MSL2: variants seen among roughly 807,000 people sequenced by gnomAD.
MSL2 encodes E3 ubiquitin-protein ligase MSL2.
MSL2 carries 2 observed loss-of-function variants against 35.8 expected under a neutral mutation model. The ratio of observed to expected loss-of-function variants is 0.06; its 90% CI spans 0.02 to 0.18. The LOEUF is 0.18. MSL2 is among the 10% of genes least tolerant of loss of function. MSL2 has a pLI of 1.00. For synonymous variants in MSL2, 296 were observed against 255.7 expected (o/e 1.16, Z -1.50); for missense variants, 523 against 706.7 (o/e 0.74, Z 2.95).
chr3:136,155,718 TTG>T (rs1447087009), intron 1 of MSL2: 2 of 501,586 alleles, frequency 4.0e-6, no homozygotes, highest in Admixed American at 4.3e-5. Context: ...TGGGGTCCTT[TTG>T]TGCCTGCTTC....
intron 1 of MSL2, among the ~76,000 whole-genome samples, chr3:136,160,275 CAAAAAAA>C (rs775528119): frequency 6.9e-4 from 13 of 18,756 alleles, no homozygotes; most frequent in African/African-American, 1.7e-3. Flanking sequence ...GACTCTGTCT[CAAAAAAA>C]AAAAAAAAAA....
chr3:136,153,938 C>T (rs1011544132), intron 1 of MSL2, among the ~76,000 whole-genome samples: 6 of 152,010 alleles, frequency 3.9e-5, no homozygotes, highest in African/African-American at 1.4e-4. Context: ...CAAAAATTAG[C>T]CGGGCAGGGT....
intron 1 of MSL2, among the ~76,000 whole-genome samples, chr3:136,183,634 G>A (rs1483930587): frequency 1.3e-5 from 2 of 152,048 alleles, no homozygotes; most frequent in African/African-American, 2.4e-5. Flanking sequence ...TGTTGCCCAG[G>A]CTAGAAAAAT....
intron 1 of MSL2, among the ~76,000 whole-genome samples, chr3:136,163,706 C>A (rs1008776923): frequency 2.0e-5 from 3 of 152,186 alleles, no homozygotes; most frequent in Non-Finnish European, 4.4e-5. Flanking sequence ...TCCCCATAAT[C>A]CCCATGTGCC....
chr3:136,194,677 A>AT, intron 1 of MSL2: 1 of 317,942 alleles, frequency 3.1e-6, no homozygotes, highest in Non-Finnish European at 5.5e-6. Flanking sequence ...AAAAAAAAAA[A>AT]GCCTTGTGCA....
At chr3:136,160,317 GGGAGGGAA>G (rs1162856221) in intron 1 of MSL2, among the ~76,000 whole-genome samples, 6 of 77,674 alleles carry the variant, frequency 7.7e-5, no homozygotes, top group African/African-American at 1.8e-4. Flanking sequence ...GAAGGAGGGA[GGGAGGGAA>G]GGAGGGAAGG....
intron 1 of MSL2, among the ~76,000 whole-genome samples, chr3:136,156,566 T>C (rs1486531177): frequency 6.6e-6 from 1 of 152,212 alleles, no homozygotes. Flanking sequence ...ACAAGATGGC[T>C]TAATAAATTA....
At chr3:136,162,915 G>A (rs1200197015) in intron 1 of MSL2, among the ~76,000 whole-genome samples, 2 of 150,714 alleles carry the variant, frequency 1.3e-5, no homozygotes, top group East Asian at 3.9e-4. Context: ...AATTACAAAA[G>A]TGTTAGTGCA....
intron 1 of MSL2, among the ~76,000 whole-genome samples, chr3:136,158,821 C>T (rs1288128699): frequency 3.3e-5 from 5 of 152,112 alleles, no homozygotes; most frequent in Non-Finnish European, 5.9e-5. Context: ...TTTCTATATG[C>T]TAGGAATGAA....
intron 1 of MSL2, among the ~76,000 whole-genome samples, chr3:136,163,359 T>TAGCA (rs1177132093): frequency 6.6e-6 from 1 of 152,218 alleles, no homozygotes; most frequent in African/African-American, 2.4e-5. Flanking sequence ...GTGTATTTCC[T>TAGCA]AGCACTATGT....
At position 136,157,251 on chromosome 3, in the gene MSL2, G is replaced by A. The variant is rs147242951; in HGVS notation, c.143-4513C>T. Among the ~76,000 whole-genome samples, 975 of 152,104 alleles carry A rather than the reference G, an allele frequency of 6.4e-3. 14 individuals are homozygous for A. The highest frequency in any genetic ancestry group is 0.022 in the African/African-American group (925 of 41,454). On this transcript the variant is annotated intron_variant, in intron 1 of 1. Coordinates refer to ENST00000309993, the MANE Select transcript of MSL2 (RefSeq NM_018133.4). ...GCCGATCACCTGAGGTCAGGAAGGCGGGCCGATCACCTGAGGTCAGGAAGG... is the reference window on the plus strand; with the variant it reads ...GCCGATCACCTGAGGTCAGGAAGGCAGGCCGATCACCTGAGGTCAGGAAGG...
At chr3:136,163,876 C>A (rs1559961462) in intron 1 of MSL2, among the ~76,000 whole-genome samples, 1 of 152,198 alleles carries the variant, frequency 6.6e-6, no homozygotes, top group Non-Finnish European at 1.5e-5. Flanking sequence ...AGGTGCCCTG[C>A]TTCCCCTCTT....
intron 1 of MSL2, among the ~76,000 whole-genome samples, chr3:136,161,808 T>G (rs1939713803): frequency 6.6e-6 from 1 of 152,082 alleles, no homozygotes; most frequent in African/African-American, 2.4e-5. Context: ...AATAACACTT[T>G]AAGACAAGGC....
chr3:136,152,511 C>T lies in MSL2; in HGVS notation c.370G>A (p.Asp124Asn), dbSNP rs749597523. ...AAAGCCAAAATATCAGAAGAACAGTCAACTGCTTCTATTATATCCCGTGCC... is the reference window on the plus strand; with the variant it reads ...AAAGCCAAAATATCAGAAGAACAGTTAACTGCTTCTATTATATCCCGTGCC... ...TLARDIIEAV[D>N]CSSDILALLN... Residue 124 changes from aspartate (D) to asparagine (N), a missense_variant, in exon 2 of 2, where the codon GAC (aspartate) becomes AAC (asparagine). Asp to Asn is a conservative substitution (Grantham distance 23). Coordinates refer to ENST00000309993, the MANE Select transcript of MSL2 (RefSeq NM_018133.4). 4 of 1,614,064 alleles carry T rather than the reference C, an allele frequency of 2.5e-6. No homozygotes were observed. In the African/African-American group the frequency reaches 5.3e-5, roughly 22 times the overall value.
rs1029667832 is a variant in MSL2, at chr3:136,195,505, G to A, written c.-392C>T. The A allele has an allele frequency of 1.1e-5, 11 of 1,011,764 alleles. No homozygotes were observed. The highest frequency in any genetic ancestry group is 1.3e-5 in the Non-Finnish European group (11 of 847,204). The allele number at this position is 1,011,764 out of a possible 1,614,324, so 62.7% of individuals were successfully genotyped here. ...GGACACGGAGGCGCCTCCTCAAGTC[G>A]AGCTGGCAGGCGCGGGAGCAGGCCC... On this transcript the variant is annotated 5_prime_UTR_variant, in exon 1 of 2. Coordinates refer to ENST00000309993, the MANE Select transcript of MSL2 (RefSeq NM_018133.4).
intron 1 of MSL2, among the ~76,000 whole-genome samples, chr3:136,165,118 C>T (rs914289721): frequency 9.2e-5 from 14 of 151,706 alleles, no homozygotes; most frequent in South Asian, 2.1e-4. Context: ...TCAGGTGATC[C>T]GCCCGCCTTG....
At chr3:136,165,524 A>G (rs180703276) in intron 1 of MSL2, among the ~76,000 whole-genome samples, 1 of 152,312 alleles carries the variant, frequency 6.6e-6, no homozygotes, top group African/African-American at 2.4e-5. Flanking sequence ...CTGGGAAAAT[A>G]TAACTGTTGA....
chr3:136,173,494 G>A (rs1397450988), intron 1 of MSL2, among the ~76,000 whole-genome samples: 1 of 151,898 alleles, frequency 6.6e-6, no homozygotes, highest in Non-Finnish European at 1.5e-5. Context: ...TAAATACCTT[G>A]AAACCACCCA....
intron 1 of MSL2, among the ~76,000 whole-genome samples, chr3:136,188,019 A>G (rs893363610): frequency 6.6e-6 from 1 of 152,162 alleles, no homozygotes; most frequent in African/African-American, 2.4e-5. Flanking sequence ...CTCTCCACAC[A>G]AAAGGCCCCT....
Sources: gnomAD v4.1 joint callset for allele counts (sites outside exome capture counted in the v4.1 genomes callset) on GRCh38, gnomAD v4.1.1 for gene constraint, MANE v1.5 for transcripts, NCBI Gene and HGNC (gene_info 2026-07-23, HGNC 2026-07-21) for gene names.